NFILZ: variants seen among roughly 807,000 people sequenced by gnomAD.
The protein encoded by NFILZ is NFIL3 like protein.
intron 1 of NFILZ, among the ~76,000 whole-genome samples, 182 bp downstream of exon 1, chr19:8,630,926 T>C (rs961526632): frequency 6.6e-6 from 1 of 152,152 alleles, no homozygotes; most frequent in Non-Finnish European, 1.5e-5. Flanking sequence ...ATCTCATGAT[T>C]GCCTTTAATT....
intron 4 of NFILZ, among the ~76,000 whole-genome samples, 191 bp downstream of exon 4, chr19:8,674,791 T>C (rs1177842848): frequency 6.6e-6 from 1 of 152,166 alleles, no homozygotes; most frequent in Non-Finnish European, 1.5e-5. Context: ...TTATGTCACA[T>C]AACCATGTAG....
intron 3 of NFILZ, among the ~76,000 whole-genome samples, chr19:8,653,228 G>A (rs1209791679): frequency 6.6e-6 from 1 of 151,762 alleles, no homozygotes; most frequent in African/African-American, 2.4e-5. Context: ...TTATAGGCAC[G>A]CACCACCACA....
intron 3 of NFILZ, among the ~76,000 whole-genome samples, chr19:8,655,679 G>C (rs1268237677): frequency 6.6e-6 from 1 of 152,084 alleles, no homozygotes; most frequent in Non-Finnish European, 1.5e-5. Flanking sequence ...AGGACATTCA[G>C]GGACCCCACA....
intron 3 of NFILZ, among the ~76,000 whole-genome samples, chr19:8,669,374 T>C (rs1277799039): frequency 6.6e-6 from 1 of 152,236 alleles, no homozygotes; most frequent in Non-Finnish European, 1.5e-5. Flanking sequence ...ACTGCTATTA[T>C]TCCCCTTTTG....
At chr19:8,643,777 A>C (rs1164990004) in intron 3 of NFILZ, among the ~76,000 whole-genome samples, 2 of 152,034 alleles carry the variant, frequency 1.3e-5, no homozygotes, top group Non-Finnish European at 2.9e-5. Context: ...AGATCATAGG[A>C]TGTCTCAGCC....
intron 3 of NFILZ, among the ~76,000 whole-genome samples, chr19:8,654,652 AAAATT>A (rs1431053279): frequency 1.3e-5 from 2 of 152,212 alleles, no homozygotes; most frequent in East Asian, 1.9e-4. Context: ...ATAAAAAAGA[AAAATT>A]AAAAGAAAAA....
At chr19:8,633,553 C>G (rs1373738862) in intron 2 of NFILZ, among the ~76,000 whole-genome samples, 3 of 152,172 alleles carry the variant, frequency 2.0e-5, no homozygotes, top group African/African-American at 7.2e-5. Context: ...TGCCTAGGCT[C>G]TGAGGGCCAG....
chr19:8,656,368 T>TCC (rs2042997608), intron 3 of NFILZ, among the ~76,000 whole-genome samples: 5 of 145,878 alleles, frequency 3.4e-5, no homozygotes, highest in African/African-American at 1.1e-4. Flanking sequence ...GAAGCCCACC[T>TCC]TCTCCCTGAA....
At chr19:8,640,293 A>G (rs1286193273) in intron 3 of NFILZ, among the ~76,000 whole-genome samples, 1 of 146,102 alleles carries the variant, frequency 6.8e-6, no homozygotes, top group Admixed American at 7.1e-5. Context: ...CCAATGTAGC[A>G]AGAACCTATT....
At chr19:8,661,044 GTCCCCCTCCCTCCCTTCCT>G (rs1186096954) in intron 3 of NFILZ, among the ~76,000 whole-genome samples, 8 of 49,748 alleles carry the variant, frequency 1.6e-4, no homozygotes, top group Admixed American at 1.1e-3. Flanking sequence ...CCTCCCTTCC[GTCCCCCTCCCTCCCTTCCT>G]TCCCCCTCCC....
At chr19:8,665,203 T>C (rs12461770) in intron 3 of NFILZ, among the ~76,000 whole-genome samples, 40,213 of 151,902 alleles carry the variant, frequency 0.26, 7,572 homozygotes, top group East Asian at 0.74. Flanking sequence ...AGGAATCAAT[T>C]TGGTGGGCTT....
In NFILZ at chr19:8,647,789, G is replaced by GCA. The variant is rs1305749598; in HGVS notation, c.-164+12044_-164+12045insAC. ...CACACACGCACACATGCGCGCGCGC[G>GCA]CGCGCGCACACACACACACACACAC... On this transcript the variant is annotated intron_variant, in intron 3 of 5. Coordinates refer to ENST00000691075, the MANE Select transcript of NFILZ (RefSeq NM_001378600.1). Among the ~76,000 whole-genome samples the GCA allele has an allele frequency of 6.6e-3, 714 of 107,926 alleles. 9 individuals are homozygous for GCA. Among genetic ancestry groups the GCA allele is most frequent in the African/African-American group, 0.022 (562 of 25,512 alleles). 70.8% of individuals were successfully genotyped at this position (107,926 alleles called of 152,430 possible).
intron 3 of NFILZ, among the ~76,000 whole-genome samples, chr19:8,672,748 T>C (rs1278188260): frequency 1.3e-5 from 2 of 152,244 alleles, no homozygotes; most frequent in Non-Finnish European, 2.9e-5. Flanking sequence ...TTTTAAAAAA[T>C]ATTCATATAT....
rs77515779 is a variant in NFILZ at position 8,649,562 on chromosome 19, C to T, written c.-164+13816C>T. ...GATTACAGGCGTGAGCTACCGTGCCCGGCATAATTAAGCATTTTCAAAGCA... is the reference window on the plus strand; with the variant it reads ...GATTACAGGCGTGAGCTACCGTGCCTGGCATAATTAAGCATTTTCAAAGCA... On this transcript the variant is annotated intron_variant, in intron 3 of 5. Transcript: ENST00000691075. 1.7e-3 allele frequency among the ~76,000 whole-genome samples: 263 copies of T among 152,058 alleles called. 1 individual carries two copies. Among genetic ancestry groups the T allele is most frequent in the African/African-American group, 5.9e-3 (245 of 41,530 alleles).
chr19:8,662,749 GC>G (rs1228475686), intron 3 of NFILZ, among the ~76,000 whole-genome samples: 1 of 150,482 alleles, frequency 6.6e-6, no homozygotes, highest in Admixed American at 6.7e-5. Flanking sequence ...CAGTTATCCT[GC>G]CTCAGCCTCC....
chr19:8,678,293 T>C lies in NFILZ; in HGVS notation c.*658T>C, dbSNP rs1600158378. Among the ~76,000 whole-genome samples the C allele has an allele frequency of 6.6e-6, 1 of 151,460 alleles. No homozygotes were observed. Among genetic ancestry groups the C allele is most frequent in the East Asian group, 2.0e-4 (1 of 5,070 alleles). On this transcript the variant is annotated 3_prime_UTR_variant, in exon 6 of 6. Transcript: ENST00000691075. ...TTATCCATGCATCTATTCTCATTCA[T>C]CCATGCATTTGTTCTTCCTTCTTTC... is the stretch of plus-strand genomic sequence containing the variant.
At chr19:8,651,481 C>A (rs2042964783) in intron 3 of NFILZ, among the ~76,000 whole-genome samples, 1 of 151,830 alleles carries the variant, frequency 6.6e-6, no homozygotes, top group East Asian at 2.0e-4. Flanking sequence ...TTATTGTTAA[C>A]CATGGGTGCC....
rs201606668 is a variant in NFILZ, at chr19:8,636,612, GT to G, written c.-164+877del. The stretch of plus-strand genomic sequence containing the variant: ...GGCATGCACCATCATGCCCAGCTAT[GT>G]TTTTTTTTTTAATTTTTATTTTTAG... On this transcript the variant is annotated intron_variant, in intron 3 of 5. Coordinates refer to ENST00000691075, the MANE Select transcript of NFILZ (RefSeq NM_001378600.1). Among the ~76,000 whole-genome samples the G allele has an allele frequency of 5.9e-3, 858 of 145,284 alleles. 13 individuals are homozygous for G. The highest frequency in any genetic ancestry group is 0.02 in the African/African-American group (800 of 39,932).
chr19:8,645,948 A>G (rs1258278586), intron 3 of NFILZ, among the ~76,000 whole-genome samples: 5 of 152,232 alleles, frequency 3.3e-5, no homozygotes, highest in East Asian at 1.9e-4. Flanking sequence ...TGCCATTAAA[A>G]GTAACTGGAA....
Sources: allele counts gnomAD v4.1 joint callset (sites outside exome capture counted in the v4.1 genomes callset), GRCh38; gene constraint gnomAD v4.1.1; transcripts MANE v1.5; gene names NCBI Gene and HGNC (gene_info 2026-07-23, HGNC 2026-07-21).